DMD: variants seen among roughly 807,000 people sequenced by gnomAD.
DMD encodes dystrophin, also known as mutant dystrophin.
In DMD, 63 loss-of-function variants were observed where a neutral mutation model predicts 330.1. The observed-to-expected ratio is 0.19, with a 90% CI of 0.16 to 0.24. The LOEUF is 0.24. Ranked by LOEUF, DMD falls within the 10% of genes least tolerant of loss-of-function variation. The pLI is 1.00. For missense variants in DMD, 3,344 were observed against 2,684.1 expected (o/e 1.25, Z -5.43); for synonymous variants, 1,223 against 959.8 (o/e 1.27, Z -5.07).
intron 48 of DMD, among the ~76,000 whole-genome samples, chrX:31,840,647 T>C (rs1279869109): frequency 1.9e-5 from 2 of 107,396 alleles, no homozygotes; most frequent in Admixed American, 2.0e-4. Flanking sequence ...GCTTACTTCA[T>C]GTCTCTGTGT....
chrX:32,549,817 T>C (rs1159035204), intron 16 of DMD, among the ~76,000 whole-genome samples: 2 of 111,882 alleles, frequency 1.8e-5, no homozygotes, highest in Admixed American at 1.9e-4. Context: ...GTTCTTTCTT[T>C]CCATCTTCTC....
intron 11 of DMD, among the ~76,000 whole-genome samples, chrX:32,630,093 C>T (rs1400411761): frequency 8.9e-6 from 1 of 111,773 alleles, no homozygotes; most frequent in East Asian, 2.8e-4. Context: ...GAAGAACGCC[C>T]TTTACCATTT....
rs57376337 is a variant in DMD at position 32,435,275 on chromosome X, C to CATATATAT, written c.4071+2958_4071+2965dup. ...ATTTACATATTTTAATATATACTTA[C>CATATATAT]ATATATATATATATATATATATTTA... On this transcript the variant is annotated intron_variant, in intron 29 of 78. Transcript: ENST00000357033. Among the ~76,000 whole-genome samples, 287 of 79,628 alleles carry CATATATAT rather than the reference C, an allele frequency of 3.6e-3. 1 individual carries two copies. The highest frequency in any genetic ancestry group is 0.01 in the African/African-American group (251 of 24,532). 69.1% of individuals were successfully genotyped at this position (79,628 alleles called of 115,157 possible).
intron 41 of DMD, among the ~76,000 whole-genome samples, chrX:32,316,237 A>C (rs1462400141): frequency 9.0e-6 from 1 of 111,571 alleles, no homozygotes; most frequent in Admixed American, 9.6e-5. Context: ...AATCAATAAA[A>C]AGGTATAGTT....
chrX:32,565,328 A>C (rs1156734016), intron 16 of DMD, among the ~76,000 whole-genome samples: 1 of 111,694 alleles, frequency 9.0e-6, no homozygotes, highest in African/African-American at 3.3e-5. Context: ...TTCTTCCCTA[A>C]GTTTCATTTT....
rs757551741 is a variant in DMD, at chrX:31,807,547, A to AAAAAG, written c.7309+12423_7309+12427dup. ...TTGCCTTCTATTCTAGAGGAGCCAA[A>AAAAAG]AAAAGAAAAGAAAAGAAAAGAAAAG... On this transcript the variant is annotated intron_variant, in intron 50 of 78. Coordinates refer to ENST00000357033, the MANE Select transcript of DMD (RefSeq NM_004006.3). Among the ~76,000 whole-genome samples the AAAAAG allele has an allele frequency of 1.7e-3, 187 of 111,005 alleles. 1 individual carries two copies. The highest frequency in any genetic ancestry group is 4.6e-3 in the Middle Eastern group (1 of 216).
intron 7 of DMD, among the ~76,000 whole-genome samples, chrX:32,740,095 C>T (rs1037912016): frequency 1.8e-5 from 2 of 108,206 alleles, no homozygotes; most frequent in Admixed American, 2.0e-4. Context: ...TGATGTGCGC[C>T]ATTTCCAAGC....
intron 64 of DMD, among the ~76,000 whole-genome samples, chrX:31,217,335 C>G: frequency 9.0e-6 from 1 of 111,425 alleles, no homozygotes; most frequent in African/African-American, 3.3e-5. Flanking sequence ...CATTATAGGC[C>G]AACGGTGATG....
intron 17 of DMD, among the ~76,000 whole-genome samples, chrX:32,527,504 G>C (rs1292257594): frequency 9.1e-6 from 1 of 109,754 alleles, no homozygotes; most frequent in Non-Finnish European, 1.9e-5. Context: ...AGGTTTTCTT[G>C]ATCAACCTCT....
chrX:32,551,262 G>C (rs755261044), intron 16 of DMD, among the ~76,000 whole-genome samples: 1 of 111,111 alleles, frequency 9.0e-6, no homozygotes, highest in Non-Finnish European at 1.9e-5. Flanking sequence ...ACCCAATCCA[G>C]CAGCACATCA....
chrX:32,529,074 G>A (rs190716405), intron 17 of DMD, among the ~76,000 whole-genome samples: 5 of 105,799 alleles, frequency 4.7e-5, no homozygotes, highest in East Asian at 3.0e-4. Flanking sequence ...GGCGCCTGCC[G>A]CCACGTCTGG....
At chrX:32,084,591 T>C (rs1432763640) in intron 44 of DMD, among the ~76,000 whole-genome samples, 1 of 111,891 alleles carries the variant, frequency 8.9e-6, no homozygotes, top group Admixed American at 9.6e-5. Flanking sequence ...ACAAGTAGTA[T>C]CTGCTTTATA....
intron 55 of DMD, among the ~76,000 whole-genome samples, chrX:31,516,878 T>C (rs1331278290): frequency 1.8e-5 from 2 of 111,557 alleles, no homozygotes; most frequent in Non-Finnish European, 3.8e-5. Context: ...TCTTTAAAAA[T>C]GCCTGGCCTA....
chrX:31,501,701 G>C (rs2070426927), intron 56 of DMD, among the ~76,000 whole-genome samples: 1 of 111,952 alleles, frequency 8.9e-6, no homozygotes, highest in East Asian at 2.8e-4. Flanking sequence ...TTAATGCCTA[G>C]TTTGAAATCC....
At chrX:31,361,760 C>T (rs1386212268) in intron 60 of DMD, among the ~76,000 whole-genome samples, 1 of 107,350 alleles carries the variant, frequency 9.3e-6, no homozygotes, top group Non-Finnish European at 1.9e-5. Flanking sequence ...AGTCATCATT[C>T]TCTTACCATC....
chrX:32,586,655 G>GA (rs199675546), intron 13 of DMD, among the ~76,000 whole-genome samples: 4,551 of 109,726 alleles, frequency 0.041, 243 homozygotes, highest in African/African-American at 0.14. Flanking sequence ...AACCAAAACT[G>GA]AAAAAAATCA....
intron 62 of DMD, among the ~76,000 whole-genome samples, chrX:31,274,906 G>GTT (rs1166883789): frequency 9.1e-6 from 1 of 109,298 alleles, no homozygotes; most frequent in African/African-American, 3.3e-5. Flanking sequence ...TTGTAATCCA[G>GTT]TTTTTTTTTA....
At chrX:32,317,028 C>A (rs1195347053) in intron 41 of DMD, among the ~76,000 whole-genome samples, 1 of 111,063 alleles carries the variant, frequency 9.0e-6, no homozygotes. Context: ...ATTTCATTAA[C>A]TCTGCCTTGA....
At chrX:32,092,724 CTTT>C (rs11315047) in intron 44 of DMD, among the ~76,000 whole-genome samples, 187 of 39,726 alleles carry the variant, frequency 4.7e-3, no homozygotes, top group African/African-American at 0.017. Context: ...GTTATTTTCA[CTTT>C]TTTTTTTTTT....
Sources: allele counts gnomAD v4.1 joint callset (sites outside exome capture counted in the v4.1 genomes callset), GRCh38; gene constraint gnomAD v4.1.1; transcripts MANE v1.5; gene names NCBI Gene and HGNC (gene_info 2026-07-23, HGNC 2026-07-21).